The following FBN2 variants were observed in gnomAD, a reference collection of about 807,000 sequenced individuals.
FBN2 encodes the protein fibrillin 2.
FBN2 carries 105 observed loss-of-function variants against 355.6 expected under a neutral mutation model. That is an observed-to-expected ratio of 0.30 (90% confidence interval 0.25 to 0.35). The LOEUF is 0.35. Ranked by LOEUF, FBN2 falls within the 10% of genes least tolerant of loss-of-function variation. The pLI, the probability that FBN2 is intolerant of heterozygous loss-of-function variation, is 1.00. For missense variants in FBN2, 3,280 were observed against 3,758.7 expected, an observed-to-expected ratio of 0.87 and a Z score of 3.33; for synonymous variants, 1,350 against 1,301.2, an observed-to-expected ratio of 1.04 and a Z score of -0.81.
At chr5:128,286,211 A>C (rs1480141806) in intron 55 of FBN2, among the ~76,000 whole-genome samples, 1 of 152,212 alleles carries the variant, frequency 6.6e-6, no homozygotes, top group East Asian at 1.9e-4. Context: ...AACAAATGAA[A>C]AGAAACTAAA....
chr5:128,519,067 A>G (rs966936310), intron 5 of FBN2, among the ~76,000 whole-genome samples: 1 of 152,164 alleles, frequency 6.6e-6, no homozygotes, highest in Admixed American at 6.5e-5. Context: ...TTGGCCGCCC[A>G]AACTGAGTTC....
intron 6 of FBN2, among the ~76,000 whole-genome samples, chr5:128,462,588 T>C (rs1036543280): frequency 6.6e-6 from 1 of 152,178 alleles, no homozygotes; most frequent in African/African-American, 2.4e-5. Context: ...AAACTTATCT[T>C]TGATGCATAA....
intron 8 of FBN2, among the ~76,000 whole-genome samples, chr5:128,401,109 T>C (rs1752788175): frequency 6.6e-6 from 1 of 152,214 alleles, no homozygotes; most frequent in Non-Finnish European, 1.5e-5. Context: ...AACCTCTTTT[T>C]CTTCCAAGTC....
intron 5 of FBN2, among the ~76,000 whole-genome samples, chr5:128,516,453 C>G (rs1334445873): frequency 6.6e-6 from 1 of 151,008 alleles, no homozygotes; most frequent in East Asian, 2.0e-4. Context: ...CAAAGAAGTT[C>G]AGGTTACCCA....
chr5:128,417,390 T>C (rs758512143), intron 7 of FBN2, among the ~76,000 whole-genome samples: 27 of 152,218 alleles, frequency 1.8e-4, no homozygotes, highest in Non-Finnish European at 3.1e-4. Context: ...CTGTAGTCTG[T>C]TCAATATAAG....
intron 5 of FBN2, among the ~76,000 whole-genome samples, chr5:128,498,810 T>C (rs1450651004): frequency 6.6e-6 from 1 of 152,228 alleles, no homozygotes; most frequent in Non-Finnish European, 1.5e-5. Flanking sequence ...ACAATCTTAC[T>C]ATAATCTACA....
intron 34 of FBN2, 73 bp from the exon 35 acceptor site, chr5:128,319,074 A>G: frequency 7.9e-7 from 1 of 1,268,044 alleles, no homozygotes; most frequent in Non-Finnish European, 1.1e-6. Flanking sequence ...GTCTAACATT[A>G]GCGCATTTTT....
Position 128,305,597 on chromosome 5 carries a change from C to A in FBN2, c.5588G>T (p.Arg1863Leu). The change falls in exon 44 of 65, where the codon CGG becomes CTG. Residue 1863 changes from arginine to leucine, a missense_variant. Arg to Leu is a moderately radical substitution (Grantham distance 102, BLOSUM62 -2). Transcript: ENST00000262464. ...ECSNGDNLCQ[R>L]NADCINSPGS... ...AGGACTATTGATGCAGTCTGCATTC[C>A]GCTGGCAGAGATTATCACCATTGCT... is the stretch of plus-strand genomic sequence containing the variant. The A allele has an allele frequency of 5.0e-6, 8 of 1,613,932 alleles. No individual in the cohort carries two copies. Among genetic ancestry groups the A allele is most frequent in the Non-Finnish European group, 6.8e-6 (8 of 1,179,908 alleles).
intron 5 of FBN2, among the ~76,000 whole-genome samples, chr5:128,475,342 TA>T (rs1421279663): frequency 6.6e-6 from 1 of 152,098 alleles, no homozygotes; most frequent in Non-Finnish European, 1.5e-5. Context: ...AGACAAAAAT[TA>T]AAAGACTAAA....
At chr5:128,434,418 A>G (rs331080) in intron 7 of FBN2, among the ~76,000 whole-genome samples, 19,611 of 135,246 alleles carry the variant, frequency 0.15, 3,214 homozygotes, top group Admixed American at 0.28. Flanking sequence ...ATATATATAT[A>G]TATATATGGG....
At chr5:128,513,808 T>C (rs1300042863) in intron 5 of FBN2, among the ~76,000 whole-genome samples, 1 of 152,134 alleles carries the variant, frequency 6.6e-6, no homozygotes, top group Non-Finnish European at 1.5e-5. Context: ...CTTCCCCTCT[T>C]TTTCTTCCAC....
chr5:128,468,590 T>C (rs1754775080), intron 5 of FBN2, among the ~76,000 whole-genome samples: 1 of 152,242 alleles, frequency 6.6e-6, no homozygotes. Context: ...CAGCAATGTA[T>C]GAGGGTTCTA....
chr5:128,525,498 A>T (rs1319153821), intron 4 of FBN2, among the ~76,000 whole-genome samples: 1 of 152,064 alleles, frequency 6.6e-6, no homozygotes, highest in Non-Finnish European at 1.5e-5. Flanking sequence ...GGAATGAGAA[A>T]CTCTGCTGCA....
intron 48 of FBN2, among the ~76,000 whole-genome samples, chr5:128,296,298 CT>C (rs1301170924): frequency 6.6e-6 from 1 of 151,780 alleles, no homozygotes; most frequent in Non-Finnish European, 1.5e-5. Flanking sequence ...CTAAAATTCT[CT>C]TTTTTGGTTG....
chr5:128,372,170 A>G (rs1176552842), intron 15 of FBN2, among the ~76,000 whole-genome samples: 1 of 152,228 alleles, frequency 6.6e-6, no homozygotes, highest in Non-Finnish European at 1.5e-5. Flanking sequence ...CTGTCATCTT[A>G]TAATTTTTTG....
Position 128,366,358 on chromosome 5 carries a change from T to C in FBN2, c.2302+19A>G. The C allele has an allele frequency of 6.9e-7, 1 of 1,450,358 alleles. No homozygotes were observed. The highest frequency in any genetic ancestry group is 1.4e-5 in the African/African-American group (1 of 71,908). 89.8% of individuals were successfully genotyped at this position (1,450,358 alleles called of 1,614,324 possible). The stretch of plus-strand genomic sequence containing the variant: ...TTATGTCACGTGATTATTATAAAGT[T>C]GAGATTAACTAGAGTTACCTCTTCC... On this transcript the variant is annotated intron_variant, in intron 17 of 64. Transcript: ENST00000262464.
At chr5:128,523,717 G>A (rs982776487) in intron 4 of FBN2, among the ~76,000 whole-genome samples, 5 of 151,852 alleles carry the variant, frequency 3.3e-5, no homozygotes, top group Non-Finnish European at 7.4e-5. Flanking sequence ...AAATGACATC[G>A]CTATTAATCC....
intron 35 of FBN2, 97 bp downstream of exon 35, chr5:128,318,782 T>C: frequency 7.7e-7 from 1 of 1,303,836 alleles, no homozygotes; most frequent in Non-Finnish European, 1.1e-6. Flanking sequence ...ACCTAATGCA[T>C]AGATTAGCTA....
intron 4 of FBN2, among the ~76,000 whole-genome samples, chr5:128,520,330 T>C (rs1254126446): frequency 6.6e-6 from 1 of 152,194 alleles, no homozygotes; most frequent in Non-Finnish European, 1.5e-5. Context: ...TCAAGAATCA[T>C]ATCTTCTCCA....
Sources: gnomAD v4.1 joint callset for allele counts (sites outside exome capture counted in the v4.1 genomes callset) on GRCh38, gnomAD v4.1.1 for gene constraint, MANE v1.5 for transcripts, NCBI Gene and HGNC (gene_info 2026-07-23, HGNC 2026-07-21) for gene names.